Variants in ROR2 observed in about 807,000 individuals in gnomAD.
ROR2 encodes the protein ROR family WNT receptor 2.
ROR2 carries 33 observed loss-of-function variants against 74.9 expected under a neutral mutation model. The ratio of observed to expected loss-of-function variants is 0.44; its 90% confidence interval spans 0.33 to 0.59. The LOEUF (loss-of-function observed/expected upper bound fraction) is 0.59, where lower values mean the gene tolerates loss of function less well. ROR2 is among the 20% of genes least tolerant of loss of function. The pLI is 0.02. For synonymous variants in ROR2, 586 were observed against 558.7 expected (o/e 1.05, Z -0.69); for missense variants, 1,216 against 1,313.8 (o/e 0.93, Z 1.15).
At chr9:91,919,063 T>C (rs1391876626) in intron 1 of ROR2, among the ~76,000 whole-genome samples, 1 of 152,140 alleles carries the variant, frequency 6.6e-6, no homozygotes, top group African/African-American at 2.4e-5. Flanking sequence ...AGGATTTTAT[T>C]TGCATCATGT....
intron 1 of ROR2, among the ~76,000 whole-genome samples, chr9:91,876,927 T>C (rs1016511753): frequency 6.6e-6 from 1 of 152,116 alleles, no homozygotes; most frequent in African/African-American, 2.4e-5. Flanking sequence ...CAAGTGTCCA[T>C]ATGAAAAGGG....
rs573523891 is a variant in ROR2 at position 91,756,900 on chromosome 9, G to A, written c.463+372C>T. On this transcript the variant is annotated intron_variant, in intron 3 of 8. Coordinates refer to ENST00000375708, the MANE Select transcript of ROR2 (RefSeq NM_004560.4). Reference sequence around the variant, plus strand: ...TGAGTAGCTGGGATTACAGGCGCCCGCCACCATGCCAGGCTAATTTTGTAT... The same window carrying A: ...TGAGTAGCTGGGATTACAGGCGCCCACCACCATGCCAGGCTAATTTTGTAT... Among the ~76,000 whole-genome samples, 38 of 151,754 alleles carry A rather than the reference G, an allele frequency of 2.5e-4. 1 individual carries two copies. Among genetic ancestry groups the A allele is most frequent in the Middle Eastern group, 6.8e-3 (2 of 294 alleles).
chr9:91,752,422 A>T (rs1275510164), intron 4 of ROR2, among the ~76,000 whole-genome samples: 1 of 152,228 alleles, frequency 6.6e-6, no homozygotes, highest in Non-Finnish European at 1.5e-5. Context: ...ACCTACTGAT[A>T]CATGTACAAC....
At chr9:91,908,556 T>TA (rs1830875165) in intron 1 of ROR2, among the ~76,000 whole-genome samples, 1 of 152,138 alleles carries the variant, frequency 6.6e-6, no homozygotes, top group Admixed American at 6.6e-5. Context: ...ACCAGGTACT[T>TA]ACACTATAGG....
chr9:91,944,009 C>T (rs1831947353), intron 1 of ROR2, among the ~76,000 whole-genome samples: 1 of 152,172 alleles, frequency 6.6e-6, no homozygotes, highest in Non-Finnish European at 1.5e-5. Flanking sequence ...CCCATTTTCA[C>T]CTCTTCTATT....
chr9:91,853,633 ACC>A (rs1182952665), intron 1 of ROR2, among the ~76,000 whole-genome samples: 1 of 151,882 alleles, frequency 6.6e-6, no homozygotes. Flanking sequence ...GGGCTACCTC[ACC>A]CCCTTGGTCC....
intron 1 of ROR2, among the ~76,000 whole-genome samples, chr9:91,853,949 GATTGGGCTCCCCAAGAAGTCA>G (rs1345374378): frequency 6.6e-6 from 1 of 152,170 alleles, no homozygotes; most frequent in Non-Finnish European, 1.5e-5. Flanking sequence ...TTCCATCATA[GATTGGGCTCCCCAAGAAGTCA>G]ATCCAGAGTG....
chr9:91,811,514 T>C (rs891166843), intron 1 of ROR2, among the ~76,000 whole-genome samples: 2 of 152,132 alleles, frequency 1.3e-5, no homozygotes, highest in Non-Finnish European at 2.9e-5. Flanking sequence ...ATATGGCCCC[T>C]CTCAATTGCT....
At chr9:91,759,982 G>A (rs1825863745) in intron 2 of ROR2, among the ~76,000 whole-genome samples, 1 of 152,192 alleles carries the variant, frequency 6.6e-6, no homozygotes. Flanking sequence ...CAGAAAGACA[G>A]ATAATGGAGA....
rs552023225 is a variant in ROR2 at position 91,905,391 on chromosome 9, CACAG to C, written c.97+44472_97+44475del. Reference sequence around the variant, plus strand: ...CAAGACACACAACACATACCACACACACAGAGAGACAAAAACTATACAAATGTCA... The same window carrying C: ...CAAGACACACAACACATACCACACACAGAGACAAAAACTATACAAATGTCA... On this transcript the variant is annotated intron_variant, in intron 1 of 8. Transcript: ENST00000375708. The surrounding 1 kb of genome is among the most constrained non-coding windows in gnomAD (Gnocchi z 5.3). 3.1e-3 allele frequency among the ~76,000 whole-genome samples: 464 copies of C among 152,032 alleles called. 2 individuals are homozygous for C. Among genetic ancestry groups the C allele is most frequent in the Non-Finnish European group, 5.1e-3 (348 of 67,970 alleles).
At chr9:91,773,792 C>T (rs1468429176) in intron 2 of ROR2, among the ~76,000 whole-genome samples, 1 of 152,216 alleles carries the variant, frequency 6.6e-6, no homozygotes, top group African/African-American at 2.4e-5. Flanking sequence ...GCACACACTT[C>T]CCTCTCGTTT....
chr9:91,787,073 T>A (rs999730709), intron 1 of ROR2, among the ~76,000 whole-genome samples: 12 of 152,158 alleles, frequency 7.9e-5, no homozygotes, highest in Admixed American at 7.9e-4. Context: ...CTGGACAGCA[T>A]GTCATCTCCG....
At chr9:91,871,672 A>C (rs758701462) in intron 1 of ROR2, among the ~76,000 whole-genome samples, 1 of 152,166 alleles carries the variant, frequency 6.6e-6, no homozygotes, top group Admixed American at 6.5e-5. Flanking sequence ...GAATGCAAAG[A>C]AAGTGGCCTT....
chr9:91,926,442 A>C (rs12005266), intron 1 of ROR2, among the ~76,000 whole-genome samples: 2,431 of 150,048 alleles, frequency 0.016, 65 homozygotes, highest in African/African-American at 0.056. Context: ...GCTACTCAGG[A>C]GGCTGAAGCT....
At chr9:91,930,858 A>C (rs1587855649) in intron 1 of ROR2, among the ~76,000 whole-genome samples, 1 of 152,234 alleles carries the variant, frequency 6.6e-6, no homozygotes, top group East Asian at 1.9e-4. Context: ...CAGACTGAAG[A>C]CCTAATTCCC....
rs571942365 is a variant in ROR2, at chr9:91,781,364, CAT to C, written c.98-5548_98-5547del. ...CCCACTTGCACGTGCAAATGTCACT[CAT>C]GTGTTCCACAACAACTACTCAGCTC... On this transcript the variant is annotated intron_variant, in intron 1 of 8. Transcript: ENST00000375708. Among the ~76,000 whole-genome samples, 11 of 152,322 alleles carry C rather than the reference CAT, an allele frequency of 7.2e-5. No individual in the cohort carries two copies. In the East Asian group the frequency reaches 1.5e-3, roughly 21 times the overall value.
At chr9:91,760,469 T>C (rs1393980199) in intron 2 of ROR2, among the ~76,000 whole-genome samples, 1 of 151,662 alleles carries the variant, frequency 6.6e-6, no homozygotes, top group Non-Finnish European at 1.5e-5. Flanking sequence ...CTGTCTCCAC[T>C]AAAAATAAAA....
chr9:91,917,807 A>G (rs1464016170), intron 1 of ROR2, among the ~76,000 whole-genome samples: 1 of 152,228 alleles, frequency 6.6e-6, no homozygotes, highest in Non-Finnish European at 1.5e-5. Context: ...ACTGGAGGCC[A>G]CAGTGCAGGG....
chr9:91,870,283 C>T (rs1829757495), intron 1 of ROR2, among the ~76,000 whole-genome samples: 1 of 152,228 alleles, frequency 6.6e-6, no homozygotes, highest in African/African-American at 2.4e-5. Context: ...CTGATCCCAA[C>T]TGTCCAAAGA....
Sources: allele counts gnomAD v4.1 joint callset (sites outside exome capture counted in the v4.1 genomes callset), GRCh38; gene constraint gnomAD v4.1.1; non-coding constraint Gnocchi (gnomAD v3.1); transcripts MANE v1.5; gene names NCBI Gene and HGNC (gene_info 2026-07-23, HGNC 2026-07-21).